Variants in ABCA13 observed in about 807,000 individuals in gnomAD.
The protein encoded by ABCA13 is ATP binding cassette subfamily A member 13.
Under a neutral mutation model 478.7 loss-of-function variants are expected in ABCA13, and 476 were observed. That is an observed-to-expected ratio of 0.99 (90% CI 0.92 to 1.07). The LOEUF (loss-of-function observed/expected upper bound fraction) is 1.07. Ranked by LOEUF, ABCA13 falls within the 50% of genes least tolerant of loss-of-function variation. The probability of loss-of-function intolerance (pLI) is 0.00; values close to 1 mark genes in which losing one functional copy is unlikely to be tolerated. For synonymous variants in ABCA13, 2,252 were observed against 2,158.9 expected, an observed-to-expected ratio of 1.04 and a Z score of -1.20; for missense variants, 6,060 against 5,910.6, an observed-to-expected ratio of 1.03 and a Z score of -0.83.
intron 31 of ABCA13, among the ~76,000 whole-genome samples, chr7:48,365,157 G>T (rs1159072998): frequency 6.6e-6 from 1 of 152,048 alleles, no homozygotes; most frequent in Non-Finnish European, 1.5e-5. Flanking sequence ...TTTTTTTGAT[G>T]ATTCATGATG....
chr7:48,463,258 C>G (rs1209575966), intron 43 of ABCA13, among the ~76,000 whole-genome samples: 1 of 152,160 alleles, frequency 6.6e-6, no homozygotes, highest in Non-Finnish European at 1.5e-5. Flanking sequence ...TTTGACAGAT[C>G]AGATAAGTAT....
intron 26 of ABCA13, among the ~76,000 whole-genome samples, chr7:48,315,644 A>AT (rs1219946919): frequency 6.6e-6 from 1 of 151,622 alleles, no homozygotes; most frequent in Non-Finnish European, 1.5e-5. Flanking sequence ...CACGCCGGCT[A>AT]TTTTTTTGTA....
At chr7:48,331,136 C>A (rs1426623154) in intron 27 of ABCA13, among the ~76,000 whole-genome samples, 1 of 152,074 alleles carries the variant, frequency 6.6e-6, no homozygotes. Flanking sequence ...AAACCCAGAG[C>A]TAATATCTTG....
intron 41 of ABCA13, among the ~76,000 whole-genome samples, chr7:48,419,632 G>A (rs1312235769): frequency 6.6e-6 from 1 of 152,204 alleles, no homozygotes; most frequent in South Asian, 2.1e-4. Context: ...ATTAGTCAGT[G>A]AGGAGCAACA....
intron 41 of ABCA13, among the ~76,000 whole-genome samples, chr7:48,415,203 G>A (rs763095063): frequency 1.3e-5 from 2 of 152,192 alleles, no homozygotes; most frequent in Admixed American, 1.3e-4. Flanking sequence ...TAATCATTTG[G>A]ACAGTTGAGA....
chr7:48,419,359 C>A (rs563237949), intron 41 of ABCA13, among the ~76,000 whole-genome samples: 1 of 152,164 alleles, frequency 6.6e-6, no homozygotes, highest in Admixed American at 6.5e-5. Flanking sequence ...TTGGAAATTT[C>A]TCAGTCTTCC....
intron 10 of ABCA13, among the ~76,000 whole-genome samples, chr7:48,243,551 G>A (rs1791198258): frequency 6.6e-6 from 1 of 152,210 alleles, no homozygotes; most frequent in Non-Finnish European, 1.5e-5. Flanking sequence ...GTGGGGATGG[G>A]TACCAGTTCC....
chr7:48,587,403 C>A, intron 57 of ABCA13, 115 bp downstream of exon 57: 2 of 1,204,552 alleles, frequency 1.7e-6, no homozygotes, highest in Non-Finnish European at 2.2e-6. Context: ...GCTGGTTCTA[C>A]AAACTAGTAA....
Position 48,471,595 on chromosome 7 carries a change from G to A in ABCA13, c.12971G>A (p.Cys4324Tyr). 1.3e-6 allele frequency: 2 copies of A among 1,561,532 alleles called. No homozygotes were observed. Among genetic ancestry groups the A allele is most frequent in the South Asian group, 1.2e-5 (1 of 84,586 alleles). Residue 4324 changes from cysteine to tyrosine, a missense_variant, in exon 45 of 62, where the codon TGC becomes TAC. Physicochemically the swap from Cys to Tyr is radical, Grantham distance 194. Transcript: ENST00000435803. ...SHPEFQDSCG[C>Y]LKCPNRSASA... Reference sequence around the variant, plus strand: ...CCAGAATTCCAGGATTCATGTGGCTGCCTGGTAGGTTTCTGCAGCATTTTT... The same window carrying A: ...CCAGAATTCCAGGATTCATGTGGCTACCTGGTAGGTTTCTGCAGCATTTTT...
At chr7:48,406,166 G>A (rs1818236064) in intron 39 of ABCA13, among the ~76,000 whole-genome samples, 1 of 152,158 alleles carries the variant, frequency 6.6e-6, no homozygotes. Context: ...TACAGTGAGG[G>A]CTCTTGATCA....
chr7:48,616,457 C>T (rs1295188994), intron 59 of ABCA13, among the ~76,000 whole-genome samples: 3 of 152,100 alleles, frequency 2.0e-5, no homozygotes, highest in African/African-American at 2.4e-5. Context: ...AGTTTTATAA[C>T]CCATTCTTGA....
Position 48,274,185 on chromosome 7 carries a change from T to C in ABCA13, c.4519T>C (p.Leu1507=). The C allele has an allele frequency of 6.2e-7, 1 of 1,612,138 alleles. No homozygotes were observed. Among genetic ancestry groups the C allele is most frequent in the South Asian group, 1.1e-5 (1 of 90,948 alleles). Residue 1507 remains leucine, a synonymous_variant, in exon 17 of 62, where the codon TTA becomes CTA. Coordinates refer to ENST00000435803, the MANE Select transcript of ABCA13 (RefSeq NM_152701.5). ...GCAAGTAAGGATGAGTATCAACAACTTAACAACAGACTTTGATTTTGCATC... is the reference window on the plus strand; with the variant it reads ...GCAAGTAAGGATGAGTATCAACAACCTAACAACAGACTTTGATTTTGCATC... ...TKQVRMSINN[L]TTDFDFASQS...
intron 21 of ABCA13, 107 bp downstream of exon 21, chr7:48,295,970 T>G: frequency 1.6e-6 from 2 of 1,275,902 alleles, no homozygotes; most frequent in Non-Finnish European, 2.1e-6. Context: ...TATAATATAC[T>G]CTTAATGTGC....
Position 48,628,897 on chromosome 7 carries a change from T to G in ABCA13, c.14837+13520T>G, listed in dbSNP as rs568990354. 3.9e-5 allele frequency among the ~76,000 whole-genome samples: 6 copies of G among 152,352 alleles called. No individual in the cohort carries two copies. The East Asian group carries it at 9.6e-4, about 24-fold the overall frequency. ...ACTAGACTGTAAAAGACGAATCAGA[T>G]GAGGCCACTCAAGCATTCAGCTTCT... On this transcript the variant is annotated intron_variant, in intron 59 of 61. Transcript: ENST00000435803.
chr7:48,454,542 G>A (rs1308576581), intron 42 of ABCA13, among the ~76,000 whole-genome samples: 1 of 152,208 alleles, frequency 6.6e-6, no homozygotes, highest in African/African-American at 2.4e-5. Context: ...GCAGGCGCCG[G>A]GCTCTCCTAT....
rs774456970 is a variant in ABCA13, at chr7:48,239,404, A to G, written c.1061A>G (p.Gln354Arg). ...GTCAGCTGGCTGCGAGTCTACCAAC[A>G]GGTGCTGTCCCCTCTCTCTATGTTC... Reference protein sequence around the residue: ...HAVSWLRVYQQVFVQWQQGSL... With the variant: ...HAVSWLRVYQRVFVQWQQGSL... The change falls in exon 9 of 62, where the codon CAG becomes CGG. Residue 354 changes from glutamine (Q) to arginine (R), a missense_variant and splice_region_variant. Gln to Arg is a conservative substitution (Grantham distance 43). Around this residue, in one of 3 missense-constraint regions of ABCA13, gnomAD observed 4,423 missense variants for 4,309.1 expected, o/e 1.03. Transcript: ENST00000435803. 2 of 1,611,808 alleles carry G rather than the reference A, an allele frequency of 1.2e-6. No individual in the cohort carries two copies. Among genetic ancestry groups the G allele is most frequent in the Non-Finnish European group, 1.7e-6 (2 of 1,178,682 alleles).
chr7:48,623,602 G>A (rs1195528527), intron 59 of ABCA13, among the ~76,000 whole-genome samples: 1 of 152,182 alleles, frequency 6.6e-6, no homozygotes, highest in Non-Finnish European at 1.5e-5. Flanking sequence ...GACAGTGTGG[G>A]TGTTCCCAAA....
chr7:48,645,537 A>T lies in ABCA13; in HGVS notation c.*25A>T. The T allele has an allele frequency of 1.3e-6, 2 of 1,535,702 alleles. No homozygotes were observed. The highest frequency in any genetic ancestry group is 3.9e-5 in the Admixed American group (2 of 51,602). The stretch of plus-strand genomic sequence containing the variant: ...AGCACTAAAGAAGTTTCCATAAGGA[A>T]TAAAACCTTGTCTTCCATTACAATT... On this transcript the variant is annotated 3_prime_UTR_variant, in exon 62 of 62. Transcript: ENST00000435803.
At chr7:48,432,248 T>C (rs1430979197) in intron 42 of ABCA13, among the ~76,000 whole-genome samples, 1 of 151,988 alleles carries the variant, frequency 6.6e-6, no homozygotes, top group Non-Finnish European at 1.5e-5. Context: ...AGCAGAGAAA[T>C]GCAAATGAAA....
Sources: gnomAD v4.1 joint callset for allele counts (sites outside exome capture counted in the v4.1 genomes callset) on GRCh38, gnomAD v4.1.1 for gene constraint, gnomAD v4.1.1 regional missense constraint, MANE v1.5 for transcripts, NCBI Gene and HGNC (gene_info 2026-07-23, HGNC 2026-07-21) for gene names.